The following RCCD1 variants were observed in gnomAD, a reference collection of about 807,000 sequenced individuals.
The protein encoded by RCCD1 is RCC1 domain-containing protein 1.
In RCCD1, 40 loss-of-function variants were observed where a neutral mutation model predicts 37.6. The observed-to-expected ratio is 1.06, with a 90% CI of 0.83 to 1.39. The LOEUF (loss-of-function observed/expected upper bound fraction) is 1.39. Among genes scored for constraint, RCCD1 ranks in the 40% most tolerant of loss-of-function variants. RCCD1 has a pLI of 0.00. For synonymous variants in RCCD1, 263 were observed against 230.0 expected, an observed-to-expected ratio of 1.14 and a Z score of -1.30; for missense variants, 577 against 517.3, an observed-to-expected ratio of 1.12 and a Z score of -1.12.
intron 1 of RCCD1, 59 bp from the exon 2 acceptor site, chr15:90,956,553 C>A: frequency 1.9e-6 from 1 of 537,684 alleles, no homozygotes; most frequent in Non-Finnish European, 2.8e-6. Context: ...CTCAGCGAAC[C>A]TTCGTGGCAC....
At position 90,960,461 on chromosome 15, in the gene RCCD1, G is replaced by A. The variant is rs1479072312; in HGVS notation, c.912G>A (p.Lys304=). The change falls in exon 6 of 8, where the codon AAG becomes AAA. Residue 304 remains lysine (K), a synonymous_variant. Transcript: ENST00000394258. ...LDLPMGSDAV[K]ASCGSRHTAV... ...TCCCCATGGGCTCAGATGCAGTCAA[G>A]GCCAGCTGTGGATCCCGGCACACAG... The A allele has an allele frequency of 1.9e-6, 3 of 1,612,380 alleles. No individual in the cohort carries two copies. Among genetic ancestry groups the A allele is most frequent in the East Asian group, 4.5e-5 (2 of 44,878 alleles).
rs556625447 is a variant in RCCD1, at chr15:90,958,662, G to A, written c.679+937G>A. 1.5e-4 allele frequency among the ~76,000 whole-genome samples: 22 copies of A among 148,194 alleles called. No homozygotes were observed. The South Asian group carries it at 4.2e-3, about 29-fold the overall frequency. Reference sequence around the variant, plus strand: ...AAAAAAAAAAAAAGAAAAGCTACCAGTGCCTTCCTCCACACCATATTCTCA... The same window carrying A: ...AAAAAAAAAAAAAGAAAAGCTACCAATGCCTTCCTCCACACCATATTCTCA... On this transcript the variant is annotated intron_variant, in intron 4 of 7. Transcript: ENST00000394258.
At position 90,957,195 on chromosome 15, in the gene RCCD1, C is replaced by T. The variant is rs1289262125; in HGVS notation, c.249C>T (p.Leu83=). 5 of 1,396,868 alleles carry T rather than the reference C, an allele frequency of 3.6e-6. No homozygotes were observed. Among genetic ancestry groups the T allele is most frequent in the Non-Finnish European group, 4.6e-6 (5 of 1,080,448 alleles). 86.5% of individuals were successfully genotyped at this position (1,396,868 alleles called of 1,614,324 possible). ...CKDAWASEGL[L]AVLRAGPGPE... ...ACGCGTGGGCCTCGGAGGGGCTCCT[C>T]GCGGTGCTGCGCGCCGGGCCGGGGC... Residue 83 remains leucine, a synonymous_variant, in exon 3 of 8, where the codon CTC becomes CTT. Coordinates refer to ENST00000394258, the MANE Select transcript of RCCD1 (RefSeq NM_001017919.2).
intron 4 of RCCD1, 106 bp from the exon 5 acceptor site, chr15:90,959,789 TGGGCA>T: frequency 2.5e-6 from 2 of 806,342 alleles, no homozygotes; most frequent in South Asian, 3.8e-5. Flanking sequence ...AGTGCTACCT[TGGGCA>T]GGGCAGGCTT....
rs1357683433 is a variant in RCCD1, at chr15:90,956,771, G to A, written c.37G>A (p.Gly13Ser). The change falls in exon 2 of 8, where the codon GGT (glycine) becomes AGT (serine). Residue 13 changes from glycine to serine, a missense_variant. Transcript: ENST00000394258. The stretch of plus-strand genomic sequence containing the variant: ...GCGGCCGGGGGCCTGGTTCGGCTTC[G>A]GTTTCTGCGGCTTCGGGCAGGAGCT... ...EERPGAWFGF[G>S]FCGFGQELGS... is the part of the protein sequence containing the mutation. 7.5e-7 allele frequency: 1 copy of A among 1,334,738 alleles called. No individual in the cohort carries two copies. The highest frequency in any genetic ancestry group is 2.1e-4 in the Middle Eastern group (1 of 4,714). 82.7% of individuals were successfully genotyped at this position (1,334,738 alleles called of 1,614,324 possible). A position where few individuals can be genotyped will look rare whatever the true frequency, so the allele number is the denominator to read the frequency against.
rs775467524 is a variant in RCCD1 at position 90,957,596 on chromosome 15, T to C, written c.558-8T>C. ...CGACTGTAGCTGACGACGGTCTCCC[T>C]TGCTCAGGCATGGACAGCTGGGCCA... is the stretch of plus-strand genomic sequence containing the variant. On this transcript the variant is annotated splice_region_variant and splice_polypyrimidine_tract_variant and intron_variant, in intron 3 of 7. Transcript: ENST00000394258. The C allele has an allele frequency of 1.2e-6, 2 of 1,614,002 alleles. No individual in the cohort carries two copies. The highest frequency in any genetic ancestry group is 1.6e-4 in the Middle Eastern group (1 of 6,062).
Position 90,956,816 on chromosome 15 carries a change from C to T in RCCD1, c.82C>T (p.Gln28Ter). ...GQELGSGRGRQVHSPSPLRAG... is the reference protein window; with the variant it reads ...GQELGSGRGR ...GGAGCTGGGCTCCGGACGCGGGCGC[C>T]AGGTGCACAGCCCCAGTCCGCTGCG... Residue 28 changes from glutamine (Q) to a stop codon, truncating the protein, a stop_gained, in exon 2 of 8, where the codon CAG (glutamine) becomes TAG (stop). Transcript: ENST00000394258. LOFTEE classifies it high-confidence loss of function. 1.5e-6 allele frequency: 2 copies of T among 1,307,178 alleles called. No individual in the cohort carries two copies. Among genetic ancestry groups the T allele is most frequent in the Non-Finnish European group, 1.9e-6 (2 of 1,028,182 alleles). The allele number at this position is 1,307,178 out of a possible 1,614,324, so 81.0% of individuals were successfully genotyped here. A position where few individuals can be genotyped will look rare whatever the true frequency, so the allele number is the denominator to read the frequency against.
intron 4 of RCCD1, among the ~76,000 whole-genome samples, chr15:90,957,967 C>T (rs901311766): frequency 6.6e-6 from 1 of 152,242 alleles, no homozygotes; most frequent in African/African-American, 2.4e-5. Context: ...CTGCCCCTCC[C>T]CTCCTCTCCC....
Position 90,961,696 on chromosome 15 carries a change from A to C in RCCD1, c.1058A>C (p.Gln353Pro). 6.2e-7 allele frequency: 1 copy of C among 1,614,182 alleles called. No homozygotes were observed. Among genetic ancestry groups the C allele is most frequent in the South Asian group, 1.1e-5 (1 of 91,086 alleles). Residue 353 changes from glutamine (Q) to proline (P), a missense_variant, in exon 8 of 8, where the codon CAA (glutamine) becomes CCA (proline). Gln to Pro is a moderately conservative substitution (Grantham distance 76). Coordinates refer to ENST00000394258, the MANE Select transcript of RCCD1 (RefSeq NM_001017919.2). The part of the protein sequence containing the change: ...PRRVEYFVDK[Q>P]LQVKAVTCGP... The stretch of plus-strand genomic sequence containing the variant: ...CGTGTGGAATACTTTGTAGATAAGC[A>C]ACTCCAAGTAAAGGCTGTCACCTGT...
rs766387726 is a variant in RCCD1, at chr15:90,961,018, C to G, written c.950-7C>G. ...GTGACAACTATCGATTGTCCTTTTG[C>G]TTTCAGGAACAGGGGAGCTCTACAC... On this transcript the variant is annotated splice_region_variant and splice_polypyrimidine_tract_variant and intron_variant, in intron 6 of 7. Coordinates refer to ENST00000394258, the MANE Select transcript of RCCD1 (RefSeq NM_001017919.2). The G allele has an allele frequency of 5.7e-6, 9 of 1,590,188 alleles. No individual in the cohort carries two copies. Among genetic ancestry groups the G allele is most frequent in the Non-Finnish European group, 7.7e-6 (9 of 1,168,700 alleles).
At chr15:90,961,159 C>A in intron 7 of RCCD1, 105 bp downstream of exon 7, 1 of 1,139,698 alleles carries the variant, frequency 8.8e-7, no homozygotes, top group South Asian at 1.4e-5. Flanking sequence ...GCAGGGGCCT[C>A]GGCCAGGTCA....
At chr15:90,956,065 A>G (rs2037185120) in intron 1 of RCCD1, among the ~76,000 whole-genome samples, 1 of 152,162 alleles carries the variant, frequency 6.6e-6, no homozygotes, top group Non-Finnish European at 1.5e-5. Context: ...TTCAAACAGC[A>G]CCGCCCCCAC....
rs1373524578 is a variant in RCCD1 at position 90,962,121 on chromosome 15, C to CAA, written c.*353_*354insAA. ...CACATTCCAGGTCATCGTCTTCTGT[C>CAA]AGTCATTTCCCTGCTTTCGTTTGAA... On this transcript the variant is annotated 3_prime_UTR_variant, in exon 8 of 8. Transcript: ENST00000394258. 8 of 171,706 alleles carry CAA rather than the reference C, an allele frequency of 4.7e-5. No homozygotes were observed. Among genetic ancestry groups the CAA allele is most frequent in the Admixed American group, 4.1e-4 (7 of 17,222 alleles). 10.6% of individuals were successfully genotyped at this position (171,706 alleles called of 1,614,324 possible). A position where few individuals can be genotyped will look rare whatever the true frequency, so the allele number is the denominator to read the frequency against.
In RCCD1 at chr15:90,961,044, C is replaced by T; in HGVS notation, c.969C>T (p.Thr323=). The stretch of plus-strand genomic sequence containing the variant: ...TTTCAGGAACAGGGGAGCTCTACAC[C>T]TGGGGCTGGGGTAAGTAAAAGGATT... The part of the protein sequence containing the change: ...AVVTRTGELY[T]WGWGKYGQLG... Residue 323 remains threonine, a synonymous_variant, in exon 7 of 8, where the codon ACC becomes ACT. Transcript: ENST00000394258. 5 of 1,613,718 alleles carry T rather than the reference C, an allele frequency of 3.1e-6. No homozygotes were observed. Among genetic ancestry groups the T allele is most frequent in the South Asian group, 1.1e-5 (1 of 91,064 alleles).
intron 4 of RCCD1, among the ~76,000 whole-genome samples, chr15:90,958,247 G>A (rs759804360): frequency 2.0e-5 from 3 of 152,196 alleles, no homozygotes; most frequent in East Asian, 3.9e-4. Flanking sequence ...CATGCAGAGA[G>A]GGTGAGGCTG....
intron 1 of RCCD1, chr15:90,955,712 A>C (rs1436386619): frequency 4.8e-5 from 7 of 144,726 alleles, no homozygotes; most frequent in African/African-American, 2.0e-4. Flanking sequence ...AAAAAAAAAA[A>C]AAAACAAACC....
chr15:90,959,148 A>T (rs2037264318), intron 4 of RCCD1, among the ~76,000 whole-genome samples: 1 of 152,148 alleles, frequency 6.6e-6, no homozygotes. Context: ...CCTGGTACTT[A>T]ACCCCCTCTG....
At chr15:90,960,626 T>A in intron 6 of RCCD1, 128 bp downstream of exon 6, 1 of 855,614 alleles carries the variant, frequency 1.2e-6, no homozygotes, top group South Asian at 1.8e-5. Flanking sequence ...GCTCAGTGGA[T>A]AAGCCCCAAC....
chr15:90,957,269 A>G lies in RCCD1; in HGVS notation c.323A>G (p.Glu108Gly), dbSNP rs746283975. The change falls in exon 3 of 8, where the codon GAG (glutamate) becomes GGG (glycine). Residue 108 changes from glutamate (E) to glycine (G), a missense_variant. Coordinates refer to ENST00000394258, the MANE Select transcript of RCCD1 (RefSeq NM_001017919.2). Reference sequence around the variant, plus strand: ...GCGGCCGAATCGGCGCTGCGTGGGGAGCCATTGTGGGCCCAGAATGTGGTG... The same window carrying G: ...GCGGCCGAATCGGCGCTGCGTGGGGGGCCATTGTGGGCCCAGAATGTGGTG... ...VWAAESALRG[E>G]PLWAQNVVPE... The G allele has an allele frequency of 2.5e-5, 37 of 1,503,274 alleles. No individual in the cohort carries two copies. The African/African-American group carries it at 5.1e-4, about 21-fold the overall frequency. The allele number at this position is 1,503,274 out of a possible 1,614,324, so 93.1% of individuals were successfully genotyped here. A position where few individuals can be genotyped will look rare whatever the true frequency, so the allele number is the denominator to read the frequency against.
Sources: allele counts gnomAD v4.1 joint callset (sites outside exome capture counted in the v4.1 genomes callset), GRCh38; gene constraint gnomAD v4.1.1; transcripts MANE v1.5; gene names NCBI Gene and HGNC (gene_info 2026-07-23, HGNC 2026-07-21).